PCMTD1: variants seen among roughly 807,000 people sequenced by gnomAD.
PCMTD1 encodes protein-L-isoaspartate (D-aspartate) O-methyltransferase domain containing 1, also known as protein-L-isoaspartate O-methyltransferase domain-containing protein 1.
Under a neutral mutation model 37.6 loss-of-function variants are expected in PCMTD1, and 12 were observed. That is an observed-to-expected ratio of 0.32 (90% CI 0.20 to 0.52). PCMTD1 has a LOEUF of 0.52. PCMTD1 is among the 20% of genes least tolerant of loss of function. PCMTD1 has a pLI of 0.97. For synonymous variants in PCMTD1, 117 were observed against 135.8 expected (o/e 0.86, Z 0.96); for missense variants, 235 against 421.3 (o/e 0.56, Z 3.87).
chr8:51,899,000 TACC>T lies in PCMTD1; in HGVS notation c.-169_-167del. ...GGGGTCCGCAGCAGCCAGACGCCGCTACCACCACAATAACAACACGGACGCCAC... is the reference window on the plus strand; with the variant it reads ...GGGGTCCGCAGCAGCCAGACGCCGCTACCACAATAACAACACGGACGCCAC... On this transcript the variant is annotated 5_prime_UTR_variant, in exon 1 of 6. Transcript: ENST00000522514. 1 of 1,511,526 alleles carries T rather than the reference TACC, an allele frequency of 6.6e-7. No individual in the cohort carries two copies. The highest frequency in any genetic ancestry group is 8.8e-7 in the Non-Finnish European group (1 of 1,137,128). The allele number at this position is 1,511,526 out of a possible 1,614,324, so 93.6% of individuals were successfully genotyped here.
intron 2 of PCMTD1, among the ~76,000 whole-genome samples, chr8:51,859,217 G>A (rs1382490449): frequency 6.6e-6 from 1 of 151,890 alleles, no homozygotes; most frequent in African/African-American, 2.4e-5. Context: ...GTTAAGAAAT[G>A]TTCAAGGACA....
chr8:51,859,039 G>A (rs2038433132), intron 2 of PCMTD1, among the ~76,000 whole-genome samples: 1 of 152,128 alleles, frequency 6.6e-6, no homozygotes, highest in African/African-American at 2.4e-5. Context: ...TGGCAAGATA[G>A]CAAATTATGA....
At chr8:51,838,602 A>G (rs1277412594) in intron 3 of PCMTD1, among the ~76,000 whole-genome samples, 1 of 152,176 alleles carries the variant, frequency 6.6e-6, no homozygotes, top group African/African-American at 2.4e-5. Flanking sequence ...ATGTTATCGA[A>G]CACAGTAAAT....
intron 3 of PCMTD1, among the ~76,000 whole-genome samples, chr8:51,842,123 T>C (rs529252210): frequency 5.3e-5 from 8 of 152,152 alleles, no homozygotes; most frequent in East Asian, 1.9e-4. Context: ...AAATACCATA[T>C]GTATCAACGG....
intron 1 of PCMTD1, among the ~76,000 whole-genome samples, chr8:51,882,630 C>T (rs374074544): frequency 6.6e-6 from 1 of 151,978 alleles, no homozygotes; most frequent in African/African-American, 2.4e-5. Context: ...AAGATCCCTG[C>T]TAATGAGTAA....
upstream of PCMTD1, chr8:51,899,078 CT>C (rs2039058723): frequency 6.7e-7 from 1 of 1,492,274 alleles, no homozygotes; most frequent in South Asian, 1.3e-5. Context: ...CAGCCAGAGC[CT>C]CCCGGACTCC....
intron 1 of PCMTD1, among the ~76,000 whole-genome samples, chr8:51,865,926 A>AATAT (rs2038548645): frequency 6.6e-6 from 1 of 152,020 alleles, no homozygotes; most frequent in East Asian, 1.9e-4. Context: ...GTAAAGACCC[A>AATAT]CCAAAAAACT....
At chr8:51,891,992 T>C (rs1410037341) in intron 1 of PCMTD1, among the ~76,000 whole-genome samples, 1 of 152,178 alleles carries the variant, frequency 6.6e-6, no homozygotes, top group Non-Finnish European at 1.5e-5. Context: ...TGTTTATACA[T>C]AAGTCTGAAA....
intron 3 of PCMTD1, 185 bp downstream of exon 3, chr8:51,845,476 C>T (rs1305349684): frequency 2.3e-6 from 1 of 443,696 alleles, no homozygotes; most frequent in African/African-American, 2.0e-5. Flanking sequence ...TTATAATTTA[C>T]TATAGAATTA....
At chr8:51,834,397 T>C (rs1044858555) in intron 3 of PCMTD1, among the ~76,000 whole-genome samples, 1 of 152,198 alleles carries the variant, frequency 6.6e-6, no homozygotes, top group East Asian at 1.9e-4. Flanking sequence ...TGTTGGTTCA[T>C]GGTACACGGA....
chr8:51,840,854 T>C (rs781017567), intron 3 of PCMTD1, among the ~76,000 whole-genome samples: 49 of 152,120 alleles, frequency 3.2e-4, no homozygotes, highest in Non-Finnish European at 5.9e-4. Flanking sequence ...ATTCATGCCA[T>C]AGGCAAGTCT....
At chr8:51,863,271 G>A (rs2129287647) in intron 1 of PCMTD1, among the ~76,000 whole-genome samples, 1 of 152,252 alleles carries the variant, frequency 6.6e-6, no homozygotes, top group Middle Eastern at 3.4e-3. Context: ...CTTTGAGTGG[G>A]CTCTAGGGCT....
Position 51,820,661 on chromosome 8 carries a change from A to G in PCMTD1, c.764T>C (p.Leu255Pro). The change falls in exon 6 of 6, where the codon CTT (leucine) becomes CCT (proline). Residue 255 changes from leucine to proline, a missense_variant. By Grantham distance (98) the Leu-to-Pro change is moderately conservative. Around this residue, in one of 3 missense-constraint regions of PCMTD1, gnomAD observed 183 missense variants for 349.3 expected, o/e 0.52. Transcript: ENST00000522514. ...DLARIYIRRTLRNFINDEMQA... is the reference protein window; with the variant it reads ...DLARIYIRRTPRNFINDEMQA... ...CATCTCATCATTTATGAAATTTCTA[A>G]GTGTGCGTCGAATGTAAATACGAGC... 6.2e-7 allele frequency: 1 copy of G among 1,613,820 alleles called. No homozygotes were observed. Among genetic ancestry groups the G allele is most frequent in the Non-Finnish European group, 8.5e-7 (1 of 1,179,922 alleles).
intron 3 of PCMTD1, chr8:51,845,237 A>C (rs2038201151): frequency 1.3e-5 from 2 of 155,604 alleles, no homozygotes; most frequent in African/African-American, 4.8e-5. Flanking sequence ...TCTTCTGGAT[A>C]TATTACAAAG....
chr8:51,834,147 G>A (rs554730792), intron 3 of PCMTD1, among the ~76,000 whole-genome samples: 1 of 152,278 alleles, frequency 6.6e-6, no homozygotes, highest in African/African-American at 2.4e-5. Flanking sequence ...TTTGCTGAAG[G>A]TCAAAGTGGG....
At position 51,843,610 on chromosome 8, in the gene PCMTD1, C is replaced by A. The variant is rs368305371; in HGVS notation, c.410+2051G>T. Among the ~76,000 whole-genome samples the A allele has an allele frequency of 9.4e-5, 13 of 137,788 alleles. No homozygotes were observed. The South Asian group carries it at 1.2e-3, about 12-fold the overall frequency. The allele number at this position is 137,788 out of a possible 152,430, so 90.4% of individuals were successfully genotyped here. A position where few individuals can be genotyped will look rare whatever the true frequency, so the allele number is the denominator to read the frequency against. ...TATTTTACAATAACAAAAAAAAAAACAATTTGAGAATTTTTAAAAATTGAG... is the reference window on the plus strand; with the variant it reads ...TATTTTACAATAACAAAAAAAAAAAAAATTTGAGAATTTTTAAAAATTGAG... On this transcript the variant is annotated intron_variant, in intron 3 of 5. Transcript: ENST00000522514.
At chr8:51,823,185 C>A (rs1393363222) in intron 5 of PCMTD1, among the ~76,000 whole-genome samples, 1 of 152,186 alleles carries the variant, frequency 6.6e-6, no homozygotes, top group Non-Finnish European at 1.5e-5. Context: ...TCTTTTGGGC[C>A]AGGCACAATG....
intron 5 of PCMTD1, among the ~76,000 whole-genome samples, chr8:51,821,492 T>C (rs1021962849): frequency 1.3e-5 from 2 of 152,114 alleles, no homozygotes; most frequent in Non-Finnish European, 2.9e-5. Context: ...TCTTCCAAAA[T>C]TGTTCACTAA....
chr8:51,874,680 A>G (rs1305387292), intron 1 of PCMTD1, among the ~76,000 whole-genome samples: 3 of 152,242 alleles, frequency 2.0e-5, no homozygotes, highest in Admixed American at 6.5e-5. Context: ...TTTAAATTCA[A>G]CAAGTGCTCT....
Sources: gnomAD v4.1 joint callset for allele counts (sites outside exome capture counted in the v4.1 genomes callset) on GRCh38, gnomAD v4.1.1 for gene constraint, gnomAD v4.1.1 regional missense constraint, MANE v1.5 for transcripts, NCBI Gene and HGNC (gene_info 2026-07-23, HGNC 2026-07-21) for gene names.